ZNF335: variants seen among roughly 807,000 people sequenced by gnomAD.
The protein encoded by ZNF335 is zinc finger protein 335, also known as NRC-interacting factor 1.
Under a neutral mutation model 145.6 loss-of-function variants are expected in ZNF335, and 84 were observed. The ratio of observed to expected loss-of-function variants is 0.58; its 90% CI spans 0.48 to 0.69. ZNF335 has a LOEUF of 0.69. ZNF335 is among the 30% of genes least tolerant of loss of function. The pLI, the probability that ZNF335 is intolerant of heterozygous loss-of-function variation, is 0.00. For synonymous variants in ZNF335, 761 were observed against 717.0 expected (o/e 1.06, Z -0.98); for missense variants, 1,865 against 1,809.7 (o/e 1.03, Z -0.55).
At chr20:45,967,070 C>G (rs1420225397) in intron 6 of ZNF335, 1 of 191,124 alleles carries the variant, frequency 5.2e-6, no homozygotes, top group Admixed American at 5.3e-5. Flanking sequence ...GCTGGGAGAA[C>G]CCGTTTCTAC....
rs2083812242 is a variant in ZNF335, at chr20:45,960,208, C to T, written c.2020G>A (p.Gly674Arg). 4 of 1,613,870 alleles carry T rather than the reference C, an allele frequency of 2.5e-6. No homozygotes were observed. The highest frequency in any genetic ancestry group is 2.5e-6 in the Non-Finnish European group (3 of 1,179,986). Residue 674 changes from glycine (G) to arginine (R), a missense_variant and splice_region_variant, in exon 14 of 28, where the codon GGG (glycine) becomes AGG (arginine). Transcript: ENST00000322927. The part of the protein sequence containing the change: ...LLSHVAVKHT[G>R]AKPFACEYCH... Reference sequence around the variant, plus strand: ...GGGGCTGGGGTGTGTCCAGCCTGACCTGTGTGCTTGACAGCCACATGGGAC... The same window carrying T: ...GGGGCTGGGGTGTGTCCAGCCTGACTTGTGTGCTTGACAGCCACATGGGAC...
intron 17 of ZNF335, among the ~76,000 whole-genome samples, chr20:45,955,728 G>T (rs1288202703): frequency 6.6e-6 from 1 of 151,120 alleles, no homozygotes; most frequent in African/African-American, 2.4e-5. Flanking sequence ...GCCGAGGTAG[G>T]ACAATCATTT....
chr20:45,964,199 A>C (rs2083907698), intron 7 of ZNF335: 2 of 556,988 alleles, frequency 3.6e-6, no homozygotes, highest in African/African-American at 3.9e-5. Flanking sequence ...GCACAGTAGG[A>C]CCTGGCCTGG....
intron 6 of ZNF335, among the ~76,000 whole-genome samples, chr20:45,966,518 G>A (rs1028093521): frequency 3.3e-5 from 5 of 151,782 alleles, no homozygotes; most frequent in Admixed American, 2.6e-4. Context: ...GACCAGCCTG[G>A]GCAACTCAGC....
Position 45,968,379 on chromosome 20 carries a change from A to G in ZNF335, c.443-17T>C. The G allele has an allele frequency of 6.2e-7, 1 of 1,605,356 alleles. No homozygotes were observed. Among genetic ancestry groups the G allele is most frequent in the Non-Finnish European group, 8.5e-7 (1 of 1,173,334 alleles). On this transcript the variant is annotated splice_polypyrimidine_tract_variant and intron_variant, in intron 3 of 27. Transcript: ENST00000322927. ...TGATGCAGTCTGGGCAGAGATGGGG[A>G]AGGGTCACACCTCCTGGGGAGGGGG...
intron 17 of ZNF335, among the ~76,000 whole-genome samples, chr20:45,956,482 C>T (rs773123634): frequency 6.6e-6 from 1 of 152,156 alleles, no homozygotes; most frequent in East Asian, 1.9e-4. Flanking sequence ...GCCACCTTGG[C>T]GTCCCAAAGT....
intron 3 of ZNF335, 126 bp from the exon 4 acceptor site, chr20:45,968,488 A>T: frequency 1.2e-6 from 1 of 817,604 alleles, no homozygotes; most frequent in Admixed American, 2.2e-5. Flanking sequence ...CCCATGTGCG[A>T]CTGCAAACCA....
Position 45,967,729 on chromosome 20 carries a change from C to T in ZNF335, c.814+5G>A, listed in dbSNP as rs778186370. On this transcript the variant is annotated splice_donor_5th_base_variant and intron_variant, in intron 5 of 27. Transcript: ENST00000322927. ...GTCCAAGCAGGTAGGCTGCTACTGA[C>T]GCACCTGGACGGAAGTGGCGTTCCC... 53 of 1,608,274 alleles carry T rather than the reference C, an allele frequency of 3.3e-5. No individual in the cohort carries two copies. The highest frequency in any genetic ancestry group is 1.0e-4 in the Admixed American group (6 of 59,842).
At chr20:45,958,050 C>T (rs1372748845) in intron 15 of ZNF335, 122 bp from the exon 16 acceptor site, 8 of 731,938 alleles carry the variant, frequency 1.1e-5, no homozygotes, top group Non-Finnish European at 2.3e-6. Context: ...TTCATAACCA[C>T]TTTTCTTTTT....
intron 9 of ZNF335, among the ~76,000 whole-genome samples, 153 bp downstream of exon 9, chr20:45,963,320 G>C (rs909857982): frequency 6.6e-6 from 1 of 152,106 alleles, no homozygotes; most frequent in Non-Finnish European, 1.5e-5. Context: ...AGCGTTCTTC[G>C]GTACGCCAGT....
chr20:45,960,007 G>A lies in ZNF335; in HGVS notation c.2020+201C>T, dbSNP rs149128206. 2.3e-3 allele frequency among the ~76,000 whole-genome samples: 353 copies of A among 152,374 alleles called. 2 individuals are homozygous for A. Among genetic ancestry groups the A allele is most frequent in the Non-Finnish European group, 4.0e-3 (269 of 68,042 alleles). On this transcript the variant is annotated intron_variant, in intron 14 of 27. Coordinates refer to ENST00000322927, the MANE Select transcript of ZNF335 (RefSeq NM_022095.4). ...CAAGCGACCGGCCCAGAGCCATCCAGAGAACAACCAGCCAAGCAGGAACCC... is the reference window on the plus strand; with the variant it reads ...CAAGCGACCGGCCCAGAGCCATCCAAAGAACAACCAGCCAAGCAGGAACCC...
In ZNF335 at chr20:45,960,284, G is replaced by T. The variant is rs752414191; in HGVS notation, c.1944C>A (p.Pro648=). The T allele has an allele frequency of 2.5e-6, 4 of 1,614,200 alleles. No individual in the cohort carries two copies. The South Asian group carries it at 4.4e-5, about 18-fold the overall frequency. ...GGTAGGGACAAAAGCTGCATTTGAA[G>T]GGCTTGTCACTGACGTGGGACAACT... is the stretch of plus-strand genomic sequence containing the variant. The part of the protein sequence containing the change: ...NHQLSHVSDK[P]FKCSFCPYRT... The change falls in exon 14 of 28, where the codon CCC becomes CCA. Residue 648 remains proline, a synonymous_variant. Transcript: ENST00000322927.
Position 45,953,896 on chromosome 20 carries a change from C to T in ZNF335, c.2495G>A (p.Gly832Glu), listed in dbSNP as rs778002655. The T allele has an allele frequency of 1.9e-6, 3 of 1,612,800 alleles. No individual in the cohort carries two copies. In the East Asian group the frequency reaches 6.7e-5, roughly 36 times the overall value. The change falls in exon 18 of 28, where the codon GGG becomes GAG. Residue 832 changes from glycine (G) to glutamate (E), a missense_variant. Coordinates refer to ENST00000322927, the MANE Select transcript of ZNF335 (RefSeq NM_022095.4). The stretch of plus-strand genomic sequence containing the variant: ...AGTGGCACCTTCAGGGGAGGGCTGC[C>T]CACCAGGGGATGCTAACCCTGCTTC... Reference protein sequence around the residue: ...DVEAGLASPGGQPSPEGATPQ... With the variant: ...DVEAGLASPGEQPSPEGATPQ...
intron 15 of ZNF335, 105 bp downstream of exon 15, chr20:45,959,096 G>T: frequency 1.0e-6 from 1 of 993,354 alleles, no homozygotes; most frequent in Non-Finnish European, 1.4e-6. Context: ...TTTTACCACA[G>T]TCTCAAGAGG....
intron 3 of ZNF335, 123 bp from the exon 4 acceptor site, chr20:45,968,485 G>A: frequency 1.2e-6 from 1 of 862,888 alleles, no homozygotes; most frequent in Non-Finnish European, 1.8e-6. Flanking sequence ...GCTCCCATGT[G>A]CGACTGCAAA....
In ZNF335 at chr20:45,960,930, C is replaced by T. The variant is rs1162204024; in HGVS notation, c.1647-48G>A. ...TTAGACCAGAGCTTCCCCAAGCCCA[C>T]TCTAGACCCTCTCACACTGAACAGA... On this transcript the variant is annotated intron_variant, in intron 10 of 27. Transcript: ENST00000322927. The T allele has an allele frequency of 2.5e-6, 4 of 1,609,308 alleles. No homozygotes were observed. The Admixed American group carries it at 5.0e-5, about 20-fold the overall frequency.
At chr20:45,965,870 TCCTCCTCCAAGCCCACAGCGATG>T in intron 6 of ZNF335, 96 bp from the exon 7 acceptor site, 1 of 1,390,406 alleles carries the variant, frequency 7.2e-7, no homozygotes, top group East Asian at 2.7e-5. Flanking sequence ...CCCTGCATAC[TCCTCCTCCAAGCCCACAGCGATG>T]CCTCCTCCAG....
chr20:45,954,042 C>CA, intron 17 of ZNF335, 94 bp from the exon 18 acceptor site: 2 of 1,427,688 alleles, frequency 1.4e-6, no homozygotes, highest in South Asian at 2.7e-5. Context: ...CAGATGCACC[C>CA]ACACACTCTA....
In ZNF335 at chr20:45,967,722, C is replaced by G; in HGVS notation, c.814+12G>C. ...CCATGCAGTCCAAGCAGGTAGGCTG[C>G]TACTGACGCACCTGGACGGAAGTGG... On this transcript the variant is annotated intron_variant, in intron 5 of 27. Coordinates refer to ENST00000322927, the MANE Select transcript of ZNF335 (RefSeq NM_022095.4). 1 of 1,608,470 alleles carries G rather than the reference C, an allele frequency of 6.2e-7. No individual in the cohort carries two copies. Among genetic ancestry groups the G allele is most frequent in the Non-Finnish European group, 8.5e-7 (1 of 1,176,846 alleles).
Sources: allele counts gnomAD v4.1 joint callset (sites outside exome capture counted in the v4.1 genomes callset), GRCh38; gene constraint gnomAD v4.1.1; transcripts MANE v1.5; gene names NCBI Gene and HGNC (gene_info 2026-07-23, HGNC 2026-07-21).